SLC39A8: variants seen among roughly 807,000 people sequenced by gnomAD.
The protein encoded by SLC39A8 is solute carrier family 39 member 8.
SLC39A8 carries 15 observed loss-of-function variants against 40.4 expected under a neutral mutation model. The ratio of observed to expected loss-of-function variants is 0.37; its 90% CI spans 0.25 to 0.57. The LOEUF is 0.57. SLC39A8 is among the 20% of genes least tolerant of loss of function. SLC39A8 has a pLI of 0.75. For synonymous variants in SLC39A8, 223 were observed against 221.6 expected, an observed-to-expected ratio of 1.01 and a Z score of -0.06; for missense variants, 472 against 558.8, an observed-to-expected ratio of 0.84 and a Z score of 1.57.
chr4:102,309,231 C>G (rs576797301), intron 3 of SLC39A8, among the ~76,000 whole-genome samples: 1 of 152,058 alleles, frequency 6.6e-6, no homozygotes, highest in Non-Finnish European at 1.5e-5. Flanking sequence ...CACACACAAA[C>G]ACACACAAGT....
intron 6 of SLC39A8, among the ~76,000 whole-genome samples, chr4:102,300,202 T>C (rs181829953): frequency 7.2e-5 from 11 of 152,174 alleles, no homozygotes; most frequent in Admixed American, 7.2e-4. Context: ...AGCAAAGGTA[T>C]TAAGGAACTC....
intron 11 of SLC39A8, among the ~76,000 whole-genome samples, chr4:102,253,615 T>C (rs1005019503): frequency 6.6e-6 from 1 of 152,184 alleles, no homozygotes; most frequent in Non-Finnish European, 1.5e-5. Context: ...TTTTGAATAA[T>C]TCAAAAATCC....
chr4:102,255,255 A>G (rs1272025589), intron 11 of SLC39A8, among the ~76,000 whole-genome samples: 2 of 152,222 alleles, frequency 1.3e-5, no homozygotes, highest in African/African-American at 2.4e-5. Context: ...TTGTATTGCA[A>G]GAAACAGAAA....
intron 3 of SLC39A8, among the ~76,000 whole-genome samples, chr4:102,309,157 C>G (rs765141850): frequency 3.3e-5 from 5 of 151,988 alleles, no homozygotes; most frequent in Non-Finnish European, 5.9e-5. Flanking sequence ...TACAAATAAA[C>G]AAACTTAGTA....
At chr4:102,320,394 G>GTATATATATGAGAATATATATATGAGAA (rs1734890008) in intron 2 of SLC39A8, among the ~76,000 whole-genome samples, 1 of 82,052 alleles carries the variant, frequency 1.2e-5, no homozygotes, top group African/African-American at 5.6e-5. Context: ...ATATATATGA[G>GTATATATATGAGAATATATATATGAGAA]TATATATATA....
chr4:102,322,317 C>T (rs1471609157), intron 2 of SLC39A8, among the ~76,000 whole-genome samples: 1 of 152,190 alleles, frequency 6.6e-6, no homozygotes, highest in Non-Finnish European at 1.5e-5. Flanking sequence ...AGCTGATGTG[C>T]ACCCTGACTC....
chr4:102,333,200 G>A (rs1164428200), intron 2 of SLC39A8, among the ~76,000 whole-genome samples: 1 of 152,066 alleles, frequency 6.6e-6, no homozygotes, highest in African/African-American at 2.4e-5. Flanking sequence ...ACATATATAT[G>A]TATTCAAGAC....
chr4:102,295,664 G>C (rs1425286309), intron 6 of SLC39A8, among the ~76,000 whole-genome samples: 2 of 151,998 alleles, frequency 1.3e-5, no homozygotes, highest in Non-Finnish European at 2.9e-5. Flanking sequence ...CAAAGTGCTG[G>C]AATTACAGGC....
chr4:102,283,990 A>C (rs928949570), intron 6 of SLC39A8, among the ~76,000 whole-genome samples: 1 of 152,208 alleles, frequency 6.6e-6, no homozygotes, highest in Admixed American at 6.5e-5. Context: ...TTCTGATTTT[A>C]ACTTAAATGT....
intron 2 of SLC39A8, among the ~76,000 whole-genome samples, chr4:102,320,397 TATATATATGAGAATATATATATGAGA>T (rs1734893400): frequency 8.4e-6 from 1 of 118,380 alleles, no homozygotes; most frequent in East Asian, 2.3e-4. Flanking sequence ...TATATGAGTA[TATATATATGAGAATATATATATGAGA>T]ATATATATAT....
At chr4:102,293,690 T>C (rs917179227) in intron 6 of SLC39A8, among the ~76,000 whole-genome samples, 1 of 151,866 alleles carries the variant, frequency 6.6e-6, no homozygotes, top group Non-Finnish European at 1.5e-5. Flanking sequence ...ATATAGTAAA[T>C]TACCAAACCA....
intron 2 of SLC39A8, among the ~76,000 whole-genome samples, chr4:102,330,526 A>T (rs918835160): frequency 6.6e-6 from 1 of 152,198 alleles, no homozygotes; most frequent in Non-Finnish European, 1.5e-5. Context: ...GGAGGCAGTA[A>T]TTAATAGCCT....
At chr4:102,300,463 G>A (rs1733875112) in intron 6 of SLC39A8, among the ~76,000 whole-genome samples, 1 of 151,924 alleles carries the variant, frequency 6.6e-6, no homozygotes. Context: ...ACATTCCTAA[G>A]TCATACAGTT....
exon 12 of SLC39A8, chr4:102,253,378 T>C: frequency 1.4e-6 from 1 of 714,048 alleles, no homozygotes; most frequent in South Asian, 1.5e-5. Flanking sequence ...AAGGTGCTGG[T>C]ATTGCAGAGA....
intron 6 of SLC39A8, among the ~76,000 whole-genome samples, chr4:102,277,487 A>G (rs1732674887): frequency 6.6e-6 from 1 of 152,234 alleles, no homozygotes; most frequent in African/African-American, 2.4e-5. Context: ...ACAAAATAAG[A>G]GAGGACGCAA....
intron 6 of SLC39A8, among the ~76,000 whole-genome samples, chr4:102,284,711 A>G (rs1733074853): frequency 6.6e-6 from 1 of 152,180 alleles, no homozygotes; most frequent in Admixed American, 6.5e-5. Context: ...CACAAACACT[A>G]TAAAAATTAC....
intron 6 of SLC39A8, among the ~76,000 whole-genome samples, chr4:102,276,854 A>G (rs1261668363): frequency 2.6e-5 from 4 of 152,162 alleles, no homozygotes; most frequent in Non-Finnish European, 4.4e-5. Context: ...CAATAAACAC[A>G]ATCCGTCACA....
intron 6 of SLC39A8, among the ~76,000 whole-genome samples, chr4:102,268,871 CAAATGACAAATG>C (rs1732226706): frequency 6.6e-6 from 1 of 152,056 alleles, no homozygotes; most frequent in Admixed American, 6.6e-5. Context: ...TGTACAAAAT[CAAATGACAAATG>C]CCAACTAAAA....
At chr4:102,256,476 G>T (rs1326312628) in intron 11 of SLC39A8, among the ~76,000 whole-genome samples, 1 of 152,050 alleles carries the variant, frequency 6.6e-6, no homozygotes, top group Non-Finnish European at 1.5e-5. Flanking sequence ...CTTTTATCTA[G>T]TCAAAAGATT....
Sources: allele counts gnomAD v4.1 joint callset (sites outside exome capture counted in the v4.1 genomes callset), GRCh38; gene constraint gnomAD v4.1.1; transcripts MANE v1.5; gene names NCBI Gene and HGNC (gene_info 2026-07-23, HGNC 2026-07-21).